The following STK33 variants were observed in gnomAD, a reference collection of about 807,000 sequenced individuals.
The protein encoded by STK33 is serine/threonine-protein kinase 33.
Under a neutral mutation model 58.0 loss-of-function variants are expected in STK33, and 52 were observed. That is an observed-to-expected ratio of 0.90 (90% confidence interval 0.72 to 1.13). The LOEUF (loss-of-function observed/expected upper bound fraction) is 1.13. STK33 is among the 50% of genes most tolerant of loss of function. The pLI is 0.00. For synonymous variants in STK33, 215 were observed against 200.1 expected (o/e 1.07, Z -0.63); for missense variants, 630 against 604.2 (o/e 1.04, Z -0.45).
chr11:8,508,378 A>C (rs7945659), intron 1 of STK33, among the ~76,000 whole-genome samples: 1 of 150,562 alleles, frequency 6.6e-6, no homozygotes, highest in East Asian at 2.0e-4. Context: ...AAGTGATCCA[A>C]CTACCTGAGC....
chr11:8,558,813 C>T (rs189872457), intron 1 of STK33, among the ~76,000 whole-genome samples: 1 of 152,196 alleles, frequency 6.6e-6, no homozygotes, highest in African/African-American at 2.4e-5. Flanking sequence ...ATGCTCAAAT[C>T]GCTTCCTAAT....
Position 8,553,212 on chromosome 11 carries a change from T to TG in STK33, c.-466+40870_-466+40871insC, listed in dbSNP as rs1956473894. 3.7e-5 allele frequency among the ~76,000 whole-genome samples: 4 copies of TG among 108,358 alleles called. No individual in the cohort carries two copies. The South Asian group carries it at 1.3e-3, about 35-fold the overall frequency. 71.1% of individuals were successfully genotyped at this position (108,358 alleles called of 152,430 possible). ...TATATATATATGGTGTATATATATATATATATATATATGGTGTGTATATAT... is the reference window on the plus strand; with the variant it reads ...TATATATATATGGTGTATATATATATGATATATATATATGGTGTGTATATAT... On this transcript the variant is annotated intron_variant, in intron 1 of 15. Coordinates refer to ENST00000687296, the MANE Select transcript of STK33 (RefSeq NM_001352389.2).
At chr11:8,464,442 C>A (rs1011264677) in intron 7 of STK33, among the ~76,000 whole-genome samples, 1 of 152,202 alleles carries the variant, frequency 6.6e-6, no homozygotes, top group Non-Finnish European at 1.5e-5. Context: ...TTATCTTCAG[C>A]AAACTCTGGT....
chr11:8,575,510 T>G (rs1261339276), intron 1 of STK33, among the ~76,000 whole-genome samples: 2 of 152,158 alleles, frequency 1.3e-5, no homozygotes, highest in African/African-American at 2.4e-5. Flanking sequence ...TGACAAATAT[T>G]GTATAATTCT....
intron 11 of STK33, among the ~76,000 whole-genome samples, chr11:8,442,598 A>C (rs1274764093): frequency 6.6e-6 from 1 of 152,150 alleles, no homozygotes; most frequent in Non-Finnish European, 1.5e-5. Context: ...GACAACTAAT[A>C]AGGAGGCATT....
At chr11:8,543,721 T>C (rs372869900) in intron 1 of STK33, among the ~76,000 whole-genome samples, 2 of 152,176 alleles carry the variant, frequency 1.3e-5, no homozygotes, top group South Asian at 2.1e-4. Flanking sequence ...AATAACTTAA[T>C]TGTACATTTT....
At chr11:8,499,228 A>G (rs1293446294) in intron 1 of STK33, among the ~76,000 whole-genome samples, 3 of 152,208 alleles carry the variant, frequency 2.0e-5, no homozygotes, top group African/African-American at 7.2e-5. Context: ...ACTTAAATTT[A>G]CAAGAAAAAA....
At chr11:8,445,548 C>T (rs766536553) in intron 11 of STK33, among the ~76,000 whole-genome samples, 12 of 152,100 alleles carry the variant, frequency 7.9e-5, no homozygotes, top group Non-Finnish European at 1.8e-4. Flanking sequence ...TTTTGAGATA[C>T]GTTTCATCAA....
At chr11:8,568,663 A>G (rs943157470) in intron 1 of STK33, among the ~76,000 whole-genome samples, 1 of 152,200 alleles carries the variant, frequency 6.6e-6, no homozygotes, top group African/African-American at 2.4e-5. Context: ...ATACTTCACT[A>G]AGTACAGTTC....
intron 13 of STK33, 129 bp from the exon 14 acceptor site, chr11:8,435,708 G>A (rs947269362): frequency 8.3e-6 from 4 of 481,098 alleles, no homozygotes. Context: ...AAAATCATCA[G>A]TATAAATGCC....
chr11:8,466,963 T>C (rs1045148169), intron 6 of STK33: 2 of 152,290 alleles, frequency 1.3e-5, no homozygotes, highest in South Asian at 2.1e-4. Context: ...CCGAGCTCTA[T>C]GTTGGGCCCT....
At chr11:8,401,309 A>G (rs1358564426) in intron 15 of STK33, among the ~76,000 whole-genome samples, 1 of 152,204 alleles carries the variant, frequency 6.6e-6, no homozygotes, top group Non-Finnish European at 1.5e-5. Context: ...CTCAGAAATA[A>G]TGCTGCATAT....
rs1276243240 is a variant in STK33, at chr11:8,585,779, G to A, written c.-466+8304C>T. On this transcript the variant is annotated intron_variant, in intron 1 of 15. Coordinates refer to ENST00000687296, the MANE Select transcript of STK33 (RefSeq NM_001352389.2). ...TACAAAAATTAAAAATTAGCACCAG[G>A]TGCAGTGGCTCACACCTGTAATCCC... 2.0e-5 allele frequency among the ~76,000 whole-genome samples: 3 copies of A among 151,948 alleles called. No individual in the cohort carries two copies. In the South Asian group the frequency reaches 6.3e-4, roughly 32 times the overall value.
chr11:8,498,619 T>C (rs559241840), intron 1 of STK33, among the ~76,000 whole-genome samples: 2 of 152,244 alleles, frequency 1.3e-5, no homozygotes, highest in African/African-American at 4.8e-5. Flanking sequence ...AGAGCCCACA[T>C]TGCCAAGACA....
At chr11:8,352,678 A>T in the STK33 span, among the ~76,000 whole-genome samples, 2 of 152,360 alleles carry the variant, frequency 1.3e-5, no homozygotes, top group East Asian at 3.9e-4. Context: ...TCAGTAATTA[A>T]GTAGAATGAC....
the STK33 span, among the ~76,000 whole-genome samples, chr11:8,345,029 G>T: frequency 6.6e-6 from 1 of 152,138 alleles, no homozygotes; most frequent in Non-Finnish European, 1.5e-5. Context: ...CAGCAGAAAG[G>T]CTGGTCCAGT....
At chr11:8,563,106 T>C (rs1957225545) in intron 1 of STK33, among the ~76,000 whole-genome samples, 1 of 152,122 alleles carries the variant, frequency 6.6e-6, no homozygotes, top group Non-Finnish European at 1.5e-5. Flanking sequence ...TCGCCTCCCA[T>C]AGTGACAGAT....
intron 1 of STK33, among the ~76,000 whole-genome samples, chr11:8,560,831 G>A (rs9737172): frequency 0.15 from 22,389 of 152,082 alleles, 2,098 homozygotes; most frequent in African/African-American, 0.27. Context: ...AGATTCTACA[G>A]CTACTTATGA....
intron 1 of STK33, among the ~76,000 whole-genome samples, chr11:8,548,585 A>G (rs2140499375): frequency 6.6e-6 from 1 of 152,344 alleles, no homozygotes; most frequent in South Asian, 2.1e-4. Context: ...TCTTTTGACT[A>G]TTCAGAGTCT....
Sources: allele counts gnomAD v4.1 joint callset (sites outside exome capture counted in the v4.1 genomes callset), GRCh38; gene constraint gnomAD v4.1.1; transcripts MANE v1.5; gene names NCBI Gene and HGNC (gene_info 2026-07-23, HGNC 2026-07-21).